Variants in ZNF407 observed in about 807,000 individuals in gnomAD.
ZNF407 encodes the protein zinc finger protein 407.
A neutral mutation model predicts 131.2 loss-of-function variants in ZNF407; 17 were observed. The observed-to-expected ratio is 0.13, with a 90% confidence interval of 0.09 to 0.19. The LOEUF is 0.19. Among genes scored for constraint, ZNF407 ranks in the 10% least tolerant of loss-of-function variants. The probability of loss-of-function intolerance (pLI) is 1.00; values close to 1 mark genes in which losing one functional copy is unlikely to be tolerated. For missense variants in ZNF407, 2,681 were observed against 2,830.6 expected (o/e 0.95, Z 1.20); for synonymous variants, 1,156 against 1,062.0 (o/e 1.09, Z -1.72).
At chr18:74,997,283 C>G (rs1489871519) in intron 8 of ZNF407, among the ~76,000 whole-genome samples, 1 of 152,032 alleles carries the variant, frequency 6.6e-6, no homozygotes, top group Admixed American at 6.6e-5. Flanking sequence ...TACACGAATC[C>G]CATCAACTCA....
At chr18:74,842,838 C>G (rs1207670820) in intron 4 of ZNF407, among the ~76,000 whole-genome samples, 1 of 152,042 alleles carries the variant, frequency 6.6e-6, no homozygotes, top group Non-Finnish European at 1.5e-5. Context: ...ATTCTCATGC[C>G]TCAGTCTCCC....
intron 8 of ZNF407, among the ~76,000 whole-genome samples, chr18:74,966,127 G>A (rs1049859093): frequency 1.7e-4 from 26 of 152,116 alleles, no homozygotes; most frequent in African/African-American, 5.3e-4. Flanking sequence ...GCTTCACTTT[G>A]TTGATTGTTT....
chr18:74,656,398 T>G (rs1397393696), intron 3 of ZNF407, among the ~76,000 whole-genome samples: 1 of 152,082 alleles, frequency 6.6e-6, no homozygotes, highest in Non-Finnish European at 1.5e-5. Context: ...AAGAAAATCC[T>G]TTTTTTGTTG....
chr18:74,803,559 T>A, intron 4 of ZNF407, among the ~76,000 whole-genome samples: 1 of 152,216 alleles, frequency 6.6e-6, no homozygotes, highest in Non-Finnish European at 1.5e-5. Flanking sequence ...TCTTCCTATA[T>A]TTTAGCAATT....
rs907106306 is a variant in ZNF407, at chr18:74,625,296, G to A, written c.-53-5671G>A. On this transcript the variant is annotated intron_variant, in intron 1 of 8. Transcript: ENST00000299687. Reference sequence around the variant, plus strand: ...TCATTCTTTTTGTCTGTAAAAATATGAGTCAGATGCCCTCAACAGAGTGTT... The same window carrying A: ...TCATTCTTTTTGTCTGTAAAAATATAAGTCAGATGCCCTCAACAGAGTGTT... Among the ~76,000 whole-genome samples the A allele has an allele frequency of 7.9e-5, 12 of 152,166 alleles. No individual in the cohort carries two copies. The East Asian group carries it at 2.3e-3, about 29-fold the overall frequency.
intron 3 of ZNF407, among the ~76,000 whole-genome samples, chr18:74,748,582 T>G (rs1183169727): frequency 6.6e-6 from 1 of 152,166 alleles, no homozygotes; most frequent in Non-Finnish European, 1.5e-5. Context: ...CTTTTGACTT[T>G]AAAAGCCAAA....
intron 3 of ZNF407, among the ~76,000 whole-genome samples, chr18:74,686,940 A>G (rs1297191827): frequency 6.6e-6 from 1 of 152,260 alleles, no homozygotes; most frequent in African/African-American, 2.4e-5. Context: ...AGCACGTATT[A>G]GGTACCCGTA....
chr18:74,961,582 T>C (rs1007528508), intron 8 of ZNF407, among the ~76,000 whole-genome samples: 61 of 152,026 alleles, frequency 4.0e-4, no homozygotes, highest in Admixed American at 6.5e-4. Context: ...TAGCTGGGTG[T>C]GGTGACGCGT....
chr18:74,657,070 A>T (rs1985491133), intron 3 of ZNF407, among the ~76,000 whole-genome samples: 1 of 145,080 alleles, frequency 6.9e-6, no homozygotes, highest in African/African-American at 2.6e-5. Flanking sequence ...ATTCCAGCCA[A>T]GTGTTGAACT....
chr18:75,026,343 C>CA (rs1973170908), intron 8 of ZNF407, among the ~76,000 whole-genome samples: 1 of 152,152 alleles, frequency 6.6e-6, no homozygotes, highest in Non-Finnish European at 1.5e-5. Flanking sequence ...TCCTTTATAA[C>CA]AAAATCTTCT....
chr18:74,827,378 T>G (rs574225376), intron 4 of ZNF407, among the ~76,000 whole-genome samples: 1 of 152,326 alleles, frequency 6.6e-6, no homozygotes, highest in South Asian at 2.1e-4. Context: ...TCTGTTGACA[T>G]TTCTTTTCAC....
intron 3 of ZNF407, among the ~76,000 whole-genome samples, chr18:74,666,675 T>C (rs933012749): frequency 6.6e-6 from 1 of 152,206 alleles, no homozygotes; most frequent in African/African-American, 2.4e-5. Context: ...TGTTAATTAG[T>C]TAGCTCTTGC....
At chr18:75,034,557 C>G (rs1283869496) in intron 8 of ZNF407, among the ~76,000 whole-genome samples, 1 of 151,332 alleles carries the variant, frequency 6.6e-6, no homozygotes, top group African/African-American at 2.4e-5. Flanking sequence ...CCGTCTCGGC[C>G]TCCCAAAGTG....
At chr18:75,060,507 C>CTTTTTTTTTTTTTTTTT (rs564194650) in intron 8 of ZNF407, among the ~76,000 whole-genome samples, 2 of 124,462 alleles carry the variant, frequency 1.6e-5, no homozygotes, top group Non-Finnish European at 3.2e-5. Context: ...TTCTTTTTTT[C>CTTTTTTTTTTTTTTTTT]TTTTTTTTTT....
At chr18:74,804,739 GC>G in intron 4 of ZNF407, 4 of 524,882 alleles carry the variant, frequency 7.6e-6, no homozygotes, top group African/African-American at 2.1e-5. Flanking sequence ...CGGAAGGTTA[GC>G]CGAGTTGTTT....
At chr18:74,797,629 T>G (rs1174892573) in intron 4 of ZNF407, among the ~76,000 whole-genome samples, 1 of 152,182 alleles carries the variant, frequency 6.6e-6, no homozygotes, top group African/African-American at 2.4e-5. Context: ...TCTTTTCAGA[T>G]TGAGAGGGGT....
intron 1 of ZNF407, among the ~76,000 whole-genome samples, chr18:74,630,375 G>A (rs890958169): frequency 6.6e-6 from 1 of 152,038 alleles, no homozygotes; most frequent in African/African-American, 2.4e-5. Context: ...GTTTCACTGT[G>A]TTAGCCAGGA....
rs114146599 is a variant in ZNF407 at position 74,756,941 on chromosome 18, A to G, written c.4803-24487A>G. Among the ~76,000 whole-genome samples the G allele has an allele frequency of 8.1e-3, 1,234 of 152,178 alleles. 23 individuals are homozygous for G. The highest frequency in any genetic ancestry group is 0.028 in the African/African-American group (1,174 of 41,560). Reference sequence around the variant, plus strand: ...TTACCTTTGTAAGGTTAGTAGTAATATTCACCCTTTTCATTCCTAGTTAAT... The same window carrying G: ...TTACCTTTGTAAGGTTAGTAGTAATGTTCACCCTTTTCATTCCTAGTTAAT... On this transcript the variant is annotated intron_variant, in intron 3 of 8. Transcript: ENST00000299687.
chr18:74,994,052 A>G (rs994097386), intron 8 of ZNF407, among the ~76,000 whole-genome samples: 4 of 152,228 alleles, frequency 2.6e-5, no homozygotes, highest in African/African-American at 4.8e-5. Flanking sequence ...TATAAACCAC[A>G]TTGTTGGAAC....
Sources: allele counts gnomAD v4.1 joint callset (sites outside exome capture counted in the v4.1 genomes callset), GRCh38; gene constraint gnomAD v4.1.1; transcripts MANE v1.5; gene names NCBI Gene and HGNC (gene_info 2026-07-23, HGNC 2026-07-21).